The following ARB2A variants were observed in gnomAD, a reference collection of about 807,000 sequenced individuals.
ARB2A encodes the protein cotranscriptional regulator ARB2A.
At chr5:93,788,182 A>G in the ARB2A span, among the ~76,000 whole-genome samples, 1 of 152,152 alleles carries the variant, frequency 6.6e-6, no homozygotes, top group Non-Finnish European at 1.5e-5. Context: ...TACTATTAAC[A>G]TTGTTGATGG....
chr5:93,849,756 C>T, the ARB2A span, among the ~76,000 whole-genome samples: 1 of 152,010 alleles, frequency 6.6e-6, no homozygotes, highest in Non-Finnish European at 1.5e-5. Flanking sequence ...TGCTATGAAT[C>T]TGCTACATTA....
chr5:93,764,169 A>C, the ARB2A span, among the ~76,000 whole-genome samples: 1 of 152,088 alleles, frequency 6.6e-6, no homozygotes, highest in East Asian at 1.9e-4. Flanking sequence ...ACATCCAAGA[A>C]CTAACAGAAG....
the ARB2A span, among the ~76,000 whole-genome samples, chr5:93,628,486 C>T: frequency 7.9e-5 from 12 of 152,208 alleles, no homozygotes; most frequent in African/African-American, 2.7e-4. Flanking sequence ...CAGGCATTGA[C>T]TTATCCTCTC....
the ARB2A span, chr5:94,074,849 A>AG: frequency 5.8e-6 from 5 of 869,012 alleles, no homozygotes; most frequent in Non-Finnish European, 8.9e-6. Flanking sequence ...CCTCCCAGTC[A>AG]GGATTAATCT....
At chr5:93,916,061 C>T in the ARB2A span, among the ~76,000 whole-genome samples, 1 of 152,038 alleles carries the variant, frequency 6.6e-6, no homozygotes, top group Non-Finnish European at 1.5e-5. Flanking sequence ...GGTGTTATCC[C>T]TATTTTGCAG....
At chr5:94,035,521 C>G in the ARB2A span, among the ~76,000 whole-genome samples, 1 of 151,968 alleles carries the variant, frequency 6.6e-6, no homozygotes, top group Non-Finnish European at 1.5e-5. Flanking sequence ...ACAGTAAAAC[C>G]AGTAAGTTAA....
At chr5:93,859,162 T>TA in the ARB2A span, among the ~76,000 whole-genome samples, 1 of 152,172 alleles carries the variant, frequency 6.6e-6, no homozygotes, top group Non-Finnish European at 1.5e-5. Flanking sequence ...TGTATTATTT[T>TA]AAAAATGCTA....
the ARB2A span, among the ~76,000 whole-genome samples, chr5:93,760,323 G>A: frequency 6.6e-6 from 1 of 152,060 alleles, no homozygotes; most frequent in South Asian, 2.1e-4. Flanking sequence ...TTGACCACAT[G>A]GCCAAAAGCA....
chr5:94,088,643 G>A, the ARB2A span, among the ~76,000 whole-genome samples: 1 of 152,128 alleles, frequency 6.6e-6, no homozygotes, highest in African/African-American at 2.4e-5. Flanking sequence ...CTGTGCTCCA[G>A]CCTGGGCAAC....
the ARB2A span, among the ~76,000 whole-genome samples, chr5:94,097,324 C>T: frequency 2.0e-5 from 3 of 152,180 alleles, no homozygotes; most frequent in East Asian, 5.8e-4. Flanking sequence ...CCAATGGCCA[C>T]CCCCACAGTT....
chr5:93,769,025 A>C, the ARB2A span, among the ~76,000 whole-genome samples: 1 of 152,322 alleles, frequency 6.6e-6, no homozygotes, highest in African/African-American at 2.4e-5. Flanking sequence ...TTAAGTTAAA[A>C]TTTTAAATTT....
At chr5:93,985,408 C>T in the ARB2A span, among the ~76,000 whole-genome samples, 1 of 151,748 alleles carries the variant, frequency 6.6e-6, no homozygotes, top group Non-Finnish European at 1.5e-5. Flanking sequence ...CTCCCCCTCT[C>T]CCTCTTTCCA....
At chr5:93,999,336 T>C in the ARB2A span, among the ~76,000 whole-genome samples, 1 of 151,956 alleles carries the variant, frequency 6.6e-6, no homozygotes, top group Non-Finnish European at 1.5e-5. Flanking sequence ...CTGTATTCAG[T>C]GAATCCATTC....
At chr5:93,946,303 T>C in the ARB2A span, among the ~76,000 whole-genome samples, 1 of 151,994 alleles carries the variant, frequency 6.6e-6, no homozygotes, top group Admixed American at 6.6e-5. Context: ...CAGTCAAGAC[T>C]GAAACAGAGT....
chr5:93,791,861 C>T, the ARB2A span, among the ~76,000 whole-genome samples: 1 of 151,984 alleles, frequency 6.6e-6, no homozygotes, highest in Non-Finnish European at 1.5e-5. Context: ...TCCTTTCCTG[C>T]CTAGACCATG....
At chr5:93,985,253 T>C in the ARB2A span, among the ~76,000 whole-genome samples, 252 of 152,320 alleles carry the variant, frequency 1.7e-3, no homozygotes, top group African/African-American at 4.8e-3. Context: ...CTTCATTCTT[T>C]TTTACTAGTC....
the ARB2A span, among the ~76,000 whole-genome samples, chr5:93,994,825 G>A: frequency 2.6e-5 from 4 of 152,166 alleles, no homozygotes; most frequent in South Asian, 6.2e-4. Flanking sequence ...AGAACTGCTT[G>A]AACCTGAGAG....
At chr5:93,775,229 C>G in the ARB2A span, among the ~76,000 whole-genome samples, 2 of 152,122 alleles carry the variant, frequency 1.3e-5, no homozygotes, top group African/African-American at 4.8e-5. Context: ...AGAATCTGAA[C>G]TATTCTCCAA....
At chr5:94,054,877 T>A in the ARB2A span, among the ~76,000 whole-genome samples, 1 of 152,214 alleles carries the variant, frequency 6.6e-6, no homozygotes, top group Admixed American at 6.5e-5. Flanking sequence ...ATCATTCATT[T>A]TGCTCCTCAA....
Sources: gnomAD v4.1 joint callset for allele counts (sites outside exome capture counted in the v4.1 genomes callset) on GRCh38, gnomAD v4.1.1 for gene constraint, MANE v1.5 for transcripts, NCBI Gene and HGNC (gene_info 2026-07-23, HGNC 2026-07-21) for gene names.